Variants in CEP70 observed in about 807,000 individuals in gnomAD.
CEP70 encodes the protein centrosomal protein of 70 kDa.
A neutral mutation model predicts 90.9 loss-of-function variants in CEP70; 70 were observed. That is an observed-to-expected ratio of 0.77 (90% CI 0.64 to 0.94). CEP70 has a LOEUF of 0.94. CEP70 is among the 40% of genes least tolerant of loss of function. The probability of loss-of-function intolerance (pLI) is 0.00; values close to 1 mark genes in which losing one functional copy is unlikely to be tolerated. For missense variants in CEP70, 648 were observed against 669.0 expected, an observed-to-expected ratio of 0.97 and a Z score of 0.35; for synonymous variants, 220 against 228.3, an observed-to-expected ratio of 0.96 and a Z score of 0.33.
chr3:138,567,177 C>T (rs2040851574), intron 6 of CEP70, among the ~76,000 whole-genome samples: 1 of 152,150 alleles, frequency 6.6e-6, no homozygotes, highest in African/African-American at 2.4e-5. Context: ...TTTCAATATA[C>T]CTCAAACATT....
chr3:138,514,277 T>A (rs913834240), intron 11 of CEP70, among the ~76,000 whole-genome samples: 4 of 152,186 alleles, frequency 2.6e-5, no homozygotes, highest in African/African-American at 9.7e-5. Context: ...CAAAAAGACA[T>A]TAGAAGTTTT....
At chr3:138,506,397 G>T (rs1171918540) in intron 12 of CEP70, among the ~76,000 whole-genome samples, 1 of 152,132 alleles carries the variant, frequency 6.6e-6, no homozygotes, top group Non-Finnish European at 1.5e-5. Context: ...AATATATTAA[G>T]ATAGTATACT....
chr3:138,589,979 T>C (rs1019191600), intron 2 of CEP70, among the ~76,000 whole-genome samples: 1 of 152,068 alleles, frequency 6.6e-6, no homozygotes, highest in African/African-American at 2.4e-5. Context: ...GCATAAACAC[T>C]GGTGGTAAAC....
intron 2 of CEP70, among the ~76,000 whole-genome samples, chr3:138,590,106 TGAG>T (rs2042305714): frequency 6.6e-6 from 1 of 151,156 alleles, no homozygotes; most frequent in Admixed American, 6.6e-5. Context: ...GAAGAAAAAA[TGAG>T]AAGAACATAA....
chr3:138,562,976 C>T (rs868210241), intron 6 of CEP70, among the ~76,000 whole-genome samples: 1 of 151,852 alleles, frequency 6.6e-6, no homozygotes, highest in East Asian at 1.9e-4. Flanking sequence ...TGCAAAGATG[C>T]ACATGGGCTC....
In CEP70 at chr3:138,521,948, C is replaced by A. The variant is rs71515919; in HGVS notation, c.944+3542G>T. Among the ~76,000 whole-genome samples, 409 of 152,326 alleles carry A rather than the reference C, an allele frequency of 2.7e-3. 3 individuals carry two copies. The highest frequency in any genetic ancestry group is 0.01 in the Middle Eastern group (3 of 294). On this transcript the variant is annotated intron_variant, in intron 11 of 17. Coordinates refer to ENST00000264982, the MANE Select transcript of CEP70 (RefSeq NM_024491.4). ...ATTTTGTTCTGTACTAAGAAAAATT[C>A]TTCTGCCTTGGGATGCTGTTAATCT... is the stretch of plus-strand genomic sequence containing the variant.
chr3:138,525,646 A>G (rs1427314637), intron 10 of CEP70, 82 bp from the exon 11 acceptor site: 2 of 573,800 alleles, frequency 3.5e-6, no homozygotes, highest in Non-Finnish European at 5.6e-6. Flanking sequence ...GACATACAAA[A>G]CTTTGTTACT....
At chr3:138,550,409 G>A (rs2039532143) in intron 6 of CEP70, among the ~76,000 whole-genome samples, 1 of 152,206 alleles carries the variant, frequency 6.6e-6, no homozygotes, top group Non-Finnish European at 1.5e-5. Context: ...TGTCACCCAG[G>A]CTGGAGTGCA....
intron 11 of CEP70, among the ~76,000 whole-genome samples, chr3:138,521,686 G>A (rs1348197224): frequency 4.6e-5 from 7 of 150,988 alleles, no homozygotes; most frequent in South Asian, 4.2e-4. Flanking sequence ...GCCTCTGCCC[G>A]GCCGCCCCGT....
At chr3:138,512,908 A>G (rs899553526) in intron 11 of CEP70, among the ~76,000 whole-genome samples, 1 of 152,188 alleles carries the variant, frequency 6.6e-6, no homozygotes, top group Non-Finnish European at 1.5e-5. Context: ...AGGTGCATCA[A>G]TGTGAGCTTC....
At chr3:138,505,978 C>T (rs75369004) in intron 12 of CEP70, among the ~76,000 whole-genome samples, 2,847 of 152,246 alleles carry the variant, frequency 0.019, 95 homozygotes, top group African/African-American at 0.065. Flanking sequence ...CATCCTATGC[C>T]GCAGTAAAGT....
At chr3:138,554,109 G>A (rs2107980565) in intron 6 of CEP70, among the ~76,000 whole-genome samples, 1 of 151,862 alleles carries the variant, frequency 6.6e-6, no homozygotes, top group East Asian at 1.9e-4. Flanking sequence ...ACTGAGGCAG[G>A]AGAATCGCCT....
intron 6 of CEP70, among the ~76,000 whole-genome samples, chr3:138,551,201 G>T (rs1423968675): frequency 6.6e-6 from 1 of 152,178 alleles, no homozygotes; most frequent in East Asian, 1.9e-4. Flanking sequence ...AGAAGGGATT[G>T]GAGCCGTATA....
At chr3:138,572,806 C>T in intron 3 of CEP70, 53 bp downstream of exon 3, 1 of 1,124,724 alleles carries the variant, frequency 8.9e-7, no homozygotes, top group East Asian at 2.3e-5. Flanking sequence ...GTAGATGTAG[C>T]ATTCTTTGGC....
chr3:138,497,548 C>T, intron 17 of CEP70: 2 of 966,546 alleles, frequency 2.1e-6, no homozygotes, highest in Non-Finnish European at 2.5e-6. Flanking sequence ...AGCCCTCAAT[C>T]TGACCCTCAG....
At position 138,529,452 on chromosome 3, in the gene CEP70, C is replaced by CTTTATAT. The variant is rs757915797; in HGVS notation, c.696_702dup (p.Glu235IlefsTer2). Reference sequence around the variant, plus strand: ...TCTTCTTCTGACTGACTTTCATCTTCTTTATATTGCCTATGAAAATATGTA... The same window carrying CTTTATAT: ...TCTTCTTCTGACTGACTTTCATCTTCTTTATATTTTATATTGCCTATGAAAATATGTA... On this transcript the variant is annotated stop_gained and frameshift_variant, in exon 9 of 18. Coordinates refer to ENST00000264982, the MANE Select transcript of CEP70 (RefSeq NM_024491.4). LOFTEE classifies it high-confidence loss of function. 1.9e-6 allele frequency: 3 copies of CTTTATAT among 1,597,532 alleles called. No homozygotes were observed. The highest frequency in any genetic ancestry group is 2.6e-6 in the Non-Finnish European group (3 of 1,169,242).
chr3:138,555,467 G>A (rs1232637731), intron 6 of CEP70, among the ~76,000 whole-genome samples: 3 of 152,072 alleles, frequency 2.0e-5, no homozygotes, highest in African/African-American at 4.8e-5. Context: ...AAAAGGAACA[G>A]TCAGCAAACA....
chr3:138,570,517 A>G lies in CEP70; in HGVS notation c.285-19T>C. Reference sequence around the variant, plus strand: ...TTCATTTCTAAGTTAATAGACATACAATTTCTTCCCTTAGTATTAAAAATA... The same window carrying G: ...TTCATTTCTAAGTTAATAGACATACGATTTCTTCCCTTAGTATTAAAAATA... On this transcript the variant is annotated intron_variant, in intron 5 of 17. Transcript: ENST00000264982. 1 of 1,570,768 alleles carries G rather than the reference A, an allele frequency of 6.4e-7. No homozygotes were observed. The highest frequency in any genetic ancestry group is 1.4e-5 in the African/African-American group (1 of 72,636).
At chr3:138,586,371 A>G (rs900721944) in intron 2 of CEP70, among the ~76,000 whole-genome samples, 1 of 152,188 alleles carries the variant, frequency 6.6e-6, no homozygotes, top group Non-Finnish European at 1.5e-5. Context: ...AGATATCTGC[A>G]CTCTCATGTT....
Sources: gnomAD v4.1 joint callset for allele counts (sites outside exome capture counted in the v4.1 genomes callset) on GRCh38, gnomAD v4.1.1 for gene constraint, MANE v1.5 for transcripts, NCBI Gene and HGNC (gene_info 2026-07-23, HGNC 2026-07-21) for gene names.